The following TBC1D22A variants were observed in gnomAD, a reference collection of about 807,000 sequenced individuals.
TBC1D22A encodes the protein TBC1 domain family member 22A.
Under a neutral mutation model 60.2 loss-of-function variants are expected in TBC1D22A, and 38 were observed. The ratio of observed to expected loss-of-function variants is 0.63; its 90% CI spans 0.49 to 0.83. TBC1D22A has a LOEUF of 0.83. TBC1D22A is among the 40% of genes least tolerant of loss of function. The pLI is 0.00. For missense variants in TBC1D22A, 628 were observed against 701.0 expected, an observed-to-expected ratio of 0.90 and a Z score of 1.18; for synonymous variants, 302 against 281.7, an observed-to-expected ratio of 1.07 and a Z score of -0.72.
chr22:46,899,169 G>A (rs555681770), intron 7 of TBC1D22A, among the ~76,000 whole-genome samples: 7 of 152,104 alleles, frequency 4.6e-5, no homozygotes, highest in Non-Finnish European at 1.0e-4. Context: ...TGTCTTGGCC[G>A]GGCGTGGTGG....
intron 8 of TBC1D22A, among the ~76,000 whole-genome samples, chr22:46,963,427 C>A (rs991021213): frequency 6.6e-6 from 1 of 152,208 alleles, no homozygotes; most frequent in African/African-American, 2.4e-5. Flanking sequence ...CAGGCCTCCA[C>A]GATTGTGTGG....
intron 8 of TBC1D22A, among the ~76,000 whole-genome samples, chr22:46,930,842 G>A (rs935274168): frequency 6.6e-6 from 1 of 152,152 alleles, no homozygotes; most frequent in Non-Finnish European, 1.5e-5. Context: ...GGATTATGGG[G>A]ATGAATAAGG....
intron 10 of TBC1D22A, among the ~76,000 whole-genome samples, chr22:47,003,816 ACACATGCCTGTACGCACACACCCTACG>A: frequency 2.3e-5 from 2 of 87,632 alleles, no homozygotes; most frequent in Admixed American, 2.5e-4. Context: ...CACCCTACGC[ACACATGCCTGTACGCACACACCCTACG>A]CACACATGCC....
intron 8 of TBC1D22A, among the ~76,000 whole-genome samples, chr22:46,944,408 C>G (rs1231852192): frequency 6.6e-6 from 1 of 152,008 alleles, no homozygotes; most frequent in Non-Finnish European, 1.5e-5. Context: ...ATGCATTCCT[C>G]TTTTTTTTGA....
At chr22:46,846,566 C>G (rs561041262) in intron 4 of TBC1D22A, among the ~76,000 whole-genome samples, 1 of 152,340 alleles carries the variant, frequency 6.6e-6, no homozygotes, top group Non-Finnish European at 1.5e-5. Context: ...CCTTTACCAT[C>G]TCTCACACTT....
chr22:46,888,070 C>G (rs543959348), intron 5 of TBC1D22A, among the ~76,000 whole-genome samples: 1 of 152,336 alleles, frequency 6.6e-6, no homozygotes, highest in Non-Finnish European at 1.5e-5. Context: ...ATTCTCCCCT[C>G]CCATCAGAGG....
At position 46,894,804 on chromosome 22, in the gene TBC1D22A, C is replaced by G. The variant is rs764578518; in HGVS notation, c.858C>G (p.Arg286=). ...TYRQIHIDIP[R]MSPEALILQP... Reference sequence around the variant, plus strand: ...TCCAGATCCACATAGACATCCCTCGCATGAGCCCTGAAGCGTTGATCCTGC... The same window carrying G: ...TCCAGATCCACATAGACATCCCTCGGATGAGCCCTGAAGCGTTGATCCTGC... The change falls in exon 7 of 13, where the codon CGC becomes CGG. Residue 286 remains arginine, a synonymous_variant. Coordinates refer to ENST00000337137, the MANE Select transcript of TBC1D22A (RefSeq NM_014346.5). 1 of 1,614,262 alleles carries G rather than the reference C, an allele frequency of 6.2e-7. No individual in the cohort carries two copies. Among genetic ancestry groups the G allele is most frequent in the Non-Finnish European group, 8.5e-7 (1 of 1,180,044 alleles).
At chr22:46,906,595 C>G (rs940221454) in intron 7 of TBC1D22A, among the ~76,000 whole-genome samples, 2 of 152,162 alleles carry the variant, frequency 1.3e-5, no homozygotes, top group African/African-American at 4.8e-5. Context: ...ATCCCAGATC[C>G]TTGGAATAGG....
rs1271727878 is a variant in TBC1D22A at position 47,039,961 on chromosome 22, T to C, written c.1329+2763T>C. Among the ~76,000 whole-genome samples, 801 of 119,056 alleles carry C rather than the reference T, an allele frequency of 6.7e-3. 16 individuals carry two copies. The highest frequency in any genetic ancestry group is 0.042 in the Admixed American group (445 of 10,646). 78.1% of individuals were successfully genotyped at this position (119,056 alleles called of 152,430 possible). On this transcript the variant is annotated intron_variant, in intron 11 of 12. Transcript: ENST00000337137. ...TTTTTTTTTTTTTTTTTTTTTTTTTTTGAGACAGAGTCTCACTCTGTTGTC... is the reference window on the plus strand; with the variant it reads ...TTTTTTTTTTTTTTTTTTTTTTTTTCTGAGACAGAGTCTCACTCTGTTGTC...
intron 12 of TBC1D22A, among the ~76,000 whole-genome samples, chr22:47,112,917 A>C (rs1201523446): frequency 6.6e-6 from 1 of 152,092 alleles, no homozygotes; most frequent in African/African-American, 2.4e-5. Flanking sequence ...CATCTGGCCC[A>C]CTCGTCACTT....
chr22:47,062,087 C>CAA lies in TBC1D22A; in HGVS notation c.1329+24909_1329+24910dup, dbSNP rs908701365. On this transcript the variant is annotated intron_variant, in intron 11 of 12. Coordinates refer to ENST00000337137, the MANE Select transcript of TBC1D22A (RefSeq NM_014346.5). ...TGGGCGACAGAGCAAGACTCCATCT[C>CAA]AAAAAAAAAAAAAAAAAAAAAGACA... 1.7e-3 allele frequency among the ~76,000 whole-genome samples: 109 copies of CAA among 62,954 alleles called. 2 individuals carry two copies. Among genetic ancestry groups the CAA allele is most frequent in the East Asian group, 0.01 (19 of 1,894 alleles). 41.3% of individuals were successfully genotyped at this position (62,954 alleles called of 152,430 possible).
chr22:46,785,409 TA>T (rs542701752), intron 1 of TBC1D22A, among the ~76,000 whole-genome samples: 160 of 152,330 alleles, frequency 1.1e-3, no homozygotes, highest in African/African-American at 3.8e-3. Context: ...GTATTGACTT[TA>T]AAACATTATA....
intron 11 of TBC1D22A, among the ~76,000 whole-genome samples, chr22:47,049,570 C>G (rs1380665184): frequency 2.0e-5 from 3 of 152,222 alleles, no homozygotes; most frequent in African/African-American, 7.2e-5. Flanking sequence ...ATATCCAACC[C>G]AACATAAATG....
chr22:47,169,284 G>A (rs1370033851), intron 12 of TBC1D22A, among the ~76,000 whole-genome samples: 1 of 152,184 alleles, frequency 6.6e-6, no homozygotes, highest in Non-Finnish European at 1.5e-5. Flanking sequence ...TTGCCTGGTG[G>A]AAAGCGTGAG....
intron 8 of TBC1D22A, among the ~76,000 whole-genome samples, chr22:46,933,629 G>T (rs1014452523): frequency 1.3e-5 from 2 of 152,192 alleles, no homozygotes; most frequent in African/African-American, 4.8e-5. Context: ...GACCACTGGG[G>T]GGGGGTTGGC....
At chr22:46,775,300 A>G (rs2083657906) in intron 1 of TBC1D22A, among the ~76,000 whole-genome samples, 1 of 152,218 alleles carries the variant, frequency 6.6e-6, no homozygotes, top group Admixed American at 6.5e-5. Flanking sequence ...TCCCTACATT[A>G]TGCTGTTGGG....
rs111859407 is a variant in TBC1D22A at position 46,777,543 on chromosome 22, T to C, written c.62+14695T>C. On this transcript the variant is annotated intron_variant, in intron 1 of 12. Coordinates refer to ENST00000337137, the MANE Select transcript of TBC1D22A (RefSeq NM_014346.5). The surrounding 1 kb of genome is among the most constrained non-coding windows in gnomAD (Gnocchi z 4.5). ...GGAGGAGGTCAGGAGAGAGCATGAT[T>C]TTTCATAAGAGAAGGAAGGAGGACT... is the stretch of plus-strand genomic sequence containing the variant. Among the ~76,000 whole-genome samples the C allele has an allele frequency of 3.9e-5, 6 of 152,086 alleles. No homozygotes were observed. The highest frequency in any genetic ancestry group is 1.2e-4 in the African/African-American group (5 of 41,478).
At chr22:47,082,184 G>A (rs889795447) in intron 11 of TBC1D22A, among the ~76,000 whole-genome samples, 1 of 151,996 alleles carries the variant, frequency 6.6e-6, no homozygotes, top group African/African-American at 2.4e-5. Flanking sequence ...TTAACTGTCC[G>A]CAAACTGATT....
At chr22:46,925,948 T>C (rs1272594694) in intron 8 of TBC1D22A, among the ~76,000 whole-genome samples, 1 of 152,200 alleles carries the variant, frequency 6.6e-6, no homozygotes, top group Non-Finnish European at 1.5e-5. Flanking sequence ...TTTGAGAAGA[T>C]GGAGTTTATA....
Sources: gnomAD v4.1 joint callset for allele counts (sites outside exome capture counted in the v4.1 genomes callset) on GRCh38, gnomAD v4.1.1 for gene constraint, Gnocchi (gnomAD v3.1) non-coding constraint, MANE v1.5 for transcripts, NCBI Gene and HGNC (gene_info 2026-07-23, HGNC 2026-07-21) for gene names.